Variants in SKIL observed in about 807,000 individuals in gnomAD.
SKIL encodes ski-like protein.
Under a neutral mutation model 69.6 loss-of-function variants are expected in SKIL, and 20 were observed. The ratio of observed to expected loss-of-function variants is 0.29; its 90% confidence interval spans 0.20 to 0.42. SKIL has a LOEUF of 0.42. Ranked by LOEUF, SKIL falls within the 10% of genes least tolerant of loss-of-function variation. SKIL has a pLI of 1.00. For missense variants in SKIL, 745 were observed against 783.1 expected (o/e 0.95, Z 0.58); for synonymous variants, 310 against 279.9 (o/e 1.11, Z -1.08).
intron 1 of SKIL, among the ~76,000 whole-genome samples, chr3:170,358,215 G>C (rs1325582979): frequency 6.6e-6 from 1 of 152,174 alleles, no homozygotes; most frequent in African/African-American, 2.4e-5. Context: ...CCCGGGGCTG[G>C]CGCGGGGAGG....
At chr3:170,387,763 A>AAAAAACAAAC (rs1553855554) in intron 4 of SKIL, among the ~76,000 whole-genome samples, 5 of 131,076 alleles carry the variant, frequency 3.8e-5, no homozygotes, top group Admixed American at 2.4e-4. Flanking sequence ...CTCTACTAAA[A>AAAAAACAAAC]AAAAAAAAAA....
intron 2 of SKIL, 80 bp downstream of exon 2, chr3:170,361,509 C>T (rs1736231594): frequency 1.8e-6 from 2 of 1,087,712 alleles, no homozygotes; most frequent in African/African-American, 1.6e-5. Context: ...TGTAACTTAA[C>T]CTGTATGTTG....
chr3:170,395,525 T>C lies in SKIL; in HGVS notation c.*3108T>C, dbSNP rs921802362. The C allele has an allele frequency of 7.2e-5, 11 of 152,098 alleles. No individual in the cohort carries two copies. Among genetic ancestry groups the C allele is most frequent in the Admixed American group, 7.2e-4 (11 of 15,264 alleles). The allele number at this position is 152,098 out of a possible 1,614,324, so 9.4% of individuals were successfully genotyped here. ...GGTTATCCATATCTTTTAGAAGTCC[T>C]GACAGAACAACCAGTTTATTTGCAC... On this transcript the variant is annotated 3_prime_UTR_variant, in exon 7 of 7. Coordinates refer to ENST00000259119, the MANE Select transcript of SKIL (RefSeq NM_005414.5).
At chr3:170,376,354 G>C (rs1737032339) in intron 2 of SKIL, among the ~76,000 whole-genome samples, 1 of 151,926 alleles carries the variant, frequency 6.6e-6, no homozygotes, top group Non-Finnish European at 1.5e-5. Flanking sequence ...CCCTCAAACT[G>C]ATCTTAAATT....
At position 170,360,925 on chromosome 3, in the gene SKIL, T is replaced by C; in HGVS notation, c.594T>C (p.Thr198=). 6.2e-7 allele frequency: 1 copy of C among 1,614,226 alleles called. No individual in the cohort carries two copies. The highest frequency in any genetic ancestry group is 1.1e-5 in the South Asian group (1 of 91,090). The change falls in exon 2 of 7, where the codon ACT becomes ACC. Residue 198 remains threonine, a synonymous_variant. Coordinates refer to ENST00000259119, the MANE Select transcript of SKIL (RefSeq NM_005414.5). ...TGTACATATATTGTTCAAGGTGTACTTCAGACCAGCTTCATATCTTAAAGG... is the reference window on the plus strand; with the variant it reads ...TGTACATATATTGTTCAAGGTGTACCTCAGACCAGCTTCATATCTTAAAGG... ...DELYIYCSRC[T]SDQLHILKVL... is the part of the protein sequence containing the mutation.
At chr3:170,391,306 G>T in intron 6 of SKIL, 46 bp downstream of exon 6, 1 of 1,108,180 alleles carries the variant, frequency 9.0e-7, no homozygotes. Context: ...GCATGGAAAT[G>T]GAAACTGTTA....
At chr3:170,370,112 G>A (rs1403869467) in intron 2 of SKIL, among the ~76,000 whole-genome samples, 1 of 151,906 alleles carries the variant, frequency 6.6e-6, no homozygotes, top group Non-Finnish European at 1.5e-5. Flanking sequence ...GGTGGCAGGC[G>A]CCTGTAGTCC....
intron 2 of SKIL, among the ~76,000 whole-genome samples, chr3:170,366,688 C>CACACACACACACAG (rs1553852225): frequency 2.9e-4 from 41 of 140,856 alleles, no homozygotes; most frequent in African/African-American, 1.1e-3. Flanking sequence ...CACACACACA[C>CACACACACACACAG]ACACACAGAC....
At chr3:170,382,718 A>ATT (rs35647654) in intron 3 of SKIL, among the ~76,000 whole-genome samples, 5,370 of 123,002 alleles carry the variant, frequency 0.044, 210 homozygotes, top group South Asian at 0.13. Context: ...CGCAACTTCA[A>ATT]TTTTTTTTTT....
chr3:170,364,270 G>T (rs549402129), intron 2 of SKIL, among the ~76,000 whole-genome samples: 2 of 144,904 alleles, frequency 1.4e-5, no homozygotes, highest in African/African-American at 5.1e-5. Context: ...ACTCTTACAT[G>T]TCTGTTGGAG....
At chr3:170,379,538 A>G (rs1010155013) in intron 2 of SKIL, among the ~76,000 whole-genome samples, 5 of 152,200 alleles carry the variant, frequency 3.3e-5, no homozygotes, top group South Asian at 4.1e-4. Context: ...AATAGGAAAT[A>G]TGTAGGGGAT....
intron 1 of SKIL, among the ~76,000 whole-genome samples, chr3:170,359,306 C>T (rs1736099550): frequency 6.6e-6 from 1 of 152,196 alleles, no homozygotes. Flanking sequence ...GATTAAGAAA[C>T]TGATTTCGGC....
intron 1 of SKIL, among the ~76,000 whole-genome samples, chr3:170,358,959 TTAAAATTG>T (rs1736079101): frequency 6.6e-6 from 1 of 152,232 alleles, no homozygotes; most frequent in African/African-American, 2.4e-5. Flanking sequence ...ATTAATCCAC[TTAAAATTG>T]TAACTTAGTT....
intron 2 of SKIL, among the ~76,000 whole-genome samples, chr3:170,380,190 A>C (rs192226428): frequency 1.1e-4 from 16 of 149,298 alleles, no homozygotes; most frequent in Non-Finnish European, 2.1e-4. Flanking sequence ...TTAGCAAACT[A>C]TGTGGTTTTG....
At chr3:170,373,244 A>ACAC (rs1736875074) in intron 2 of SKIL, among the ~76,000 whole-genome samples, 1 of 149,946 alleles carries the variant, frequency 6.7e-6, no homozygotes, top group Non-Finnish European at 1.5e-5. Context: ...TCGGCTCACT[A>ACAC]CACCCTCCAC....
intron 2 of SKIL, among the ~76,000 whole-genome samples, chr3:170,375,626 T>C (rs2108206795): frequency 6.6e-6 from 1 of 152,338 alleles, no homozygotes; most frequent in South Asian, 2.1e-4. Context: ...TAGGCTGCAG[T>C]GCAGTGGCAG....
In SKIL at chr3:170,360,243, T is replaced by A; in HGVS notation, c.-89T>A. ...TTGAGAGTAAGTTACGATAGGCATTTGTATCCATTCATTACTTTCCTCTTT... is the reference window on the plus strand; with the variant it reads ...TTGAGAGTAAGTTACGATAGGCATTAGTATCCATTCATTACTTTCCTCTTT... On this transcript the variant is annotated 5_prime_UTR_variant, in exon 2 of 7. Transcript: ENST00000259119. The A allele has an allele frequency of 8.0e-7, 1 of 1,252,940 alleles. No individual in the cohort carries two copies. Among genetic ancestry groups the A allele is most frequent in the Non-Finnish European group, 1.1e-6 (1 of 908,098 alleles). The allele number at this position is 1,252,940 out of a possible 1,614,324, so 77.6% of individuals were successfully genotyped here. A position where few individuals can be genotyped will look rare whatever the true frequency, so the allele number is the denominator to read the frequency against.
intron 2 of SKIL, among the ~76,000 whole-genome samples, chr3:170,364,574 G>A (rs972518136): frequency 1.1e-4 from 16 of 151,184 alleles, no homozygotes; most frequent in Admixed American, 8.0e-4. Flanking sequence ...CGACCTCCTC[G>A]TCCTCTCAAT....
chr3:170,387,759 T>TAAAAAAAAAAAAAA (rs748924498), intron 4 of SKIL, among the ~76,000 whole-genome samples: 4 of 57,684 alleles, frequency 6.9e-5, no homozygotes, highest in Non-Finnish European at 1.2e-4. Flanking sequence ...CCGTCTCTAC[T>TAAAAAAAAAAAAAA]AAAAAAAAAA....
Sources: allele counts gnomAD v4.1 joint callset (sites outside exome capture counted in the v4.1 genomes callset), GRCh38; gene constraint gnomAD v4.1.1; transcripts MANE v1.5; gene names NCBI Gene and HGNC (gene_info 2026-07-23, HGNC 2026-07-21).